RAB38: variants seen among roughly 807,000 people sequenced by gnomAD.
The protein encoded by RAB38 is ras-related protein Rab-38.
RAB38 carries 15 observed loss-of-function variants against 18.4 expected under a neutral mutation model. The ratio of observed to expected loss-of-function variants is 0.82; its 90% CI spans 0.55 to 1.26. The LOEUF (loss-of-function observed/expected upper bound fraction) is 1.26. Among genes scored for constraint, RAB38 ranks in the 50% most tolerant of loss-of-function variants. RAB38 has a pLI of 0.00. For missense variants in RAB38, 294 were observed against 267.4 expected (o/e 1.10, Z -0.69); for synonymous variants, 101 against 104.4 (o/e 0.97, Z 0.20).
At chr11:87,893,844 G>C in the RAB38 span, among the ~76,000 whole-genome samples, 1 of 151,658 alleles carries the variant, frequency 6.6e-6, no homozygotes, top group Admixed American at 6.6e-5. Context: ...AAATCAAGAA[G>C]TGTGAAGTCT....
the RAB38 span, among the ~76,000 whole-genome samples, chr11:88,097,154 T>G: frequency 0.16 from 24,264 of 151,888 alleles, 2,111 homozygotes; most frequent in Admixed American, 0.25. Flanking sequence ...GAGACTTTCC[T>G]TTCCATTCCT....
the RAB38 span, among the ~76,000 whole-genome samples, chr11:87,866,807 G>A: frequency 1.3e-5 from 2 of 151,894 alleles, no homozygotes; most frequent in African/African-American, 4.8e-5. Context: ...GAATGGAAGA[G>A]GGTCACAGCA....
the RAB38 span, among the ~76,000 whole-genome samples, chr11:87,856,469 A>T: frequency 6.6e-6 from 1 of 152,292 alleles, no homozygotes; most frequent in South Asian, 2.1e-4. Context: ...AAGCCACAAA[A>T]ATCTGTTCCT....
At chr11:87,977,284 AATT>A in the RAB38 span, among the ~76,000 whole-genome samples, 1 of 123,248 alleles carries the variant, frequency 8.1e-6, no homozygotes, top group South Asian at 2.7e-4. Context: ...TATAAAATAT[AATT>A]ATATTATACA....
chr11:87,947,662 A>T, the RAB38 span, among the ~76,000 whole-genome samples: 15 of 152,202 alleles, frequency 9.9e-5, no homozygotes, highest in African/African-American at 2.9e-4. Context: ...TCCCCATTTC[A>T]TGTTTTTGTC....
chr11:88,027,557 A>T, the RAB38 span, among the ~76,000 whole-genome samples: 11 of 152,324 alleles, frequency 7.2e-5, no homozygotes, highest in East Asian at 1.9e-4. Flanking sequence ...AAAACGGCGC[A>T]CCAGGAGATT....
intron 2 of RAB38, among the ~76,000 whole-genome samples, chr11:88,136,951 G>C (rs1372370411): frequency 2.0e-5 from 3 of 152,232 alleles, no homozygotes; most frequent in African/African-American, 7.2e-5. Context: ...GGAGACTTGA[G>C]ACTCAAGAGA....
the RAB38 span, among the ~76,000 whole-genome samples, chr11:88,036,021 A>G: frequency 6.6e-6 from 1 of 152,126 alleles, no homozygotes; most frequent in African/African-American, 2.4e-5. Context: ...ATTAAAATCC[A>G]GGTTTTATAG....
the RAB38 span, among the ~76,000 whole-genome samples, chr11:87,876,511 TA>T: frequency 6.6e-6 from 1 of 151,542 alleles, no homozygotes; most frequent in Non-Finnish European, 1.5e-5. Context: ...GAGTAACAAA[TA>T]TTAATTCTCA....
At chr11:88,079,939 A>G in the RAB38 span, among the ~76,000 whole-genome samples, 3 of 151,832 alleles carry the variant, frequency 2.0e-5, no homozygotes, top group African/African-American at 7.2e-5. Context: ...CTAATATTAT[A>G]TTTAATGGAA....
At chr11:88,054,000 G>C in the RAB38 span, among the ~76,000 whole-genome samples, 1 of 152,084 alleles carries the variant, frequency 6.6e-6, no homozygotes, top group Non-Finnish European at 1.5e-5. Context: ...CTTTTAACTT[G>C]TATGTGAACT....
At chr11:88,136,458 G>A (rs551544766) in intron 2 of RAB38, among the ~76,000 whole-genome samples, 19 of 152,284 alleles carry the variant, frequency 1.2e-4, no homozygotes, top group African/African-American at 3.8e-4. Flanking sequence ...AACAGAGAAG[G>A]AGAGGGCAAA....
At chr11:88,062,631 A>G in the RAB38 span, among the ~76,000 whole-genome samples, 1 of 152,208 alleles carries the variant, frequency 6.6e-6, no homozygotes, top group Non-Finnish European at 1.5e-5. Context: ...TAGCTGCTTA[A>G]AGTATTCTGA....
At chr11:88,009,140 A>C in the RAB38 span, among the ~76,000 whole-genome samples, 1 of 152,212 alleles carries the variant, frequency 6.6e-6, no homozygotes, top group Non-Finnish European at 1.5e-5. Context: ...ACTGAAACTG[A>C]AATTAGGTAA....
intron 2 of RAB38, among the ~76,000 whole-genome samples, chr11:88,136,237 T>C (rs545735456): frequency 3.0e-4 from 46 of 152,180 alleles, no homozygotes; most frequent in Admixed American, 2.5e-3. Flanking sequence ...TAATGGGATA[T>C]TGATTTTCCC....
chr11:87,850,396 A>G, the RAB38 span, among the ~76,000 whole-genome samples: 1 of 152,032 alleles, frequency 6.6e-6, no homozygotes, highest in South Asian at 2.1e-4. Context: ...CCTATAACTG[A>G]CAGTGTTGCT....
the RAB38 span, among the ~76,000 whole-genome samples, chr11:87,963,868 G>A: frequency 3.3e-5 from 5 of 151,880 alleles, no homozygotes; most frequent in Admixed American, 1.3e-4. Flanking sequence ...GGCTGGTCTC[G>A]AACTCCTGAC....
the RAB38 span, among the ~76,000 whole-genome samples, chr11:88,017,052 T>C: frequency 1.3e-5 from 2 of 151,964 alleles, no homozygotes; most frequent in Non-Finnish European, 2.9e-5. Flanking sequence ...CATAAAAAGC[T>C]TCACAGACAA....
intron 1 of RAB38, among the ~76,000 whole-genome samples, chr11:88,163,534 A>G (rs184940200): frequency 6.6e-4 from 100 of 152,260 alleles, no homozygotes; most frequent in African/African-American, 2.3e-3. Context: ...ACTGTTAGTT[A>G]TCATCTCTTA....
Sources: gnomAD v4.1 joint callset for allele counts (sites outside exome capture counted in the v4.1 genomes callset) on GRCh38, gnomAD v4.1.1 for gene constraint, MANE v1.5 for transcripts, NCBI Gene and HGNC (gene_info 2026-07-23, HGNC 2026-07-21) for gene names.